CASK: variants seen among roughly 807,000 people sequenced by gnomAD.
CASK encodes calcium/calmodulin dependent serine protein kinase, also known as peripheral plasma membrane protein CASK.
CASK carries 4 observed loss-of-function variants against 82.9 expected under a neutral mutation model. The observed-to-expected ratio is 0.05, with a 90% CI of 0.02 to 0.11. The LOEUF (loss-of-function observed/expected upper bound fraction) is 0.11, where lower values mean the gene tolerates loss of function less well. CASK is among the 10% of genes least tolerant of loss of function. The probability of loss-of-function intolerance (pLI) is 1.00; values close to 1 mark genes in which losing one functional copy is unlikely to be tolerated. For missense variants in CASK, 358 were observed against 720.9 expected (o/e 0.50, Z 5.76); for synonymous variants, 259 against 253.5 (o/e 1.02, Z -0.20).
intron 3 of CASK, chrX:41,786,913 T>C: frequency 3.1e-6 from 1 of 322,962 alleles, no homozygotes; most frequent in Non-Finnish European, 5.5e-6. Context: ...TTTGGGGTCC[T>C]CCTATTCCTC....
chrX:41,634,660 C>G (rs1173879147), intron 9 of CASK, among the ~76,000 whole-genome samples: 1 of 112,390 alleles, frequency 8.9e-6, no homozygotes. Flanking sequence ...AGCGTAATGT[C>G]ACATGAGGCC....
In CASK at chrX:41,517,227, T is replaced by G. The variant is rs190590653; in HGVS notation, c.*3193A>C. On this transcript the variant is annotated 3_prime_UTR_variant, in exon 27 of 27. Coordinates refer to ENST00000378163, the MANE Select transcript of CASK (RefSeq NM_001367721.1). ...GCAGTGGGGGACTTTGCGACATCTTTAGATATTCTGCCACCAATAGGATGG... is the reference window on the plus strand; with the variant it reads ...GCAGTGGGGGACTTTGCGACATCTTGAGATATTCTGCCACCAATAGGATGG... 23 of 114,119 alleles carry G rather than the reference T, an allele frequency of 2.0e-4. No individual in the cohort carries two copies. Among genetic ancestry groups the G allele is most frequent in the Non-Finnish European group, 4.0e-4 (22 of 54,484 alleles). 9.4% of individuals were successfully genotyped at this position (114,119 alleles called of 1,213,427 possible).
In CASK at chrX:41,518,477, G is replaced by A. The variant is rs778814275; in HGVS notation, c.*1943C>T. On this transcript the variant is annotated 3_prime_UTR_variant, in exon 27 of 27. Transcript: ENST00000378163. ...TGGTGGCTTGGTCACCCCACTGTGG[G>A]GCCCATACAGAAGTAGTTCACTCAA... 1 of 109,263 alleles carries A rather than the reference G, an allele frequency of 9.2e-6. No individual in the cohort carries two copies. Among genetic ancestry groups the A allele is most frequent in the African/African-American group, 3.3e-5 (1 of 29,986 alleles). The allele number at this position is 109,263 out of a possible 1,213,427, so 9.0% of individuals were successfully genotyped here.
Position 41,586,996 on chromosome X carries a change from T to C in CASK, c.1234-9A>G. On this transcript the variant is annotated splice_polypyrimidine_tract_variant and intron_variant, in intron 13 of 26. Transcript: ENST00000378163. ...GAAATTTCTTCCAATACCTAAAAAA[T>C]AAACAAGATATACAATAATACAAAC... is the stretch of plus-strand genomic sequence containing the variant. 1 of 986,463 alleles carries C rather than the reference T, an allele frequency of 1.0e-6. No individual in the cohort carries two copies. The highest frequency in any genetic ancestry group is 1.4e-6 in the Non-Finnish European group (1 of 693,710). The allele number at this position is 986,463 out of a possible 1,213,427, so 81.3% of individuals were successfully genotyped here.
In CASK at chrX:41,547,067, A is replaced by T. The variant is rs367875937; in HGVS notation, c.2040-4261T>A. On this transcript the variant is annotated intron_variant, in intron 21 of 26. Coordinates refer to ENST00000378163, the MANE Select transcript of CASK (RefSeq NM_001367721.1). The stretch of plus-strand genomic sequence containing the variant: ...TGTCTTGGCCTTCCAAGTAGCTGTG[A>T]TTACAGGCACCCGCCACCACGCTCA... Among the ~76,000 whole-genome samples, 9 of 110,078 alleles carry T rather than the reference A, an allele frequency of 8.2e-5. No homozygotes were observed. In the East Asian group the frequency reaches 2.6e-3, roughly 32 times the overall value.
chrX:41,850,589 T>C (rs1337952240), intron 2 of CASK, among the ~76,000 whole-genome samples: 2 of 112,310 alleles, frequency 1.8e-5, no homozygotes, highest in Non-Finnish European at 3.8e-5. Context: ...ACGGTAAATA[T>C]AGATATTTCT....
chrX:41,545,502 A>G (rs745337890), intron 21 of CASK, among the ~76,000 whole-genome samples: 11 of 111,993 alleles, frequency 9.8e-5, no homozygotes, highest in African/African-American at 3.6e-4. Context: ...CAGGTTCTCT[A>G]TTCCTTTCTG....
intron 5 of CASK, among the ~76,000 whole-genome samples, chrX:41,736,803 T>C (rs558998519): frequency 1.8e-5 from 2 of 111,984 alleles, no homozygotes; most frequent in Admixed American, 9.5e-5. Context: ...AAATGTCTTT[T>C]TGTCTCCATA....
chrX:41,861,961 GTATA>G (rs750794159), intron 1 of CASK, among the ~76,000 whole-genome samples: 10 of 102,040 alleles, frequency 9.8e-5, no homozygotes, highest in African/African-American at 3.6e-4. Flanking sequence ...GTATACATAT[GTATA>G]TATACATTAT....
rs1019474495 is a variant in CASK, at chrX:41,706,824, T to C, written c.429+32560A>G. ...GTGCCACTGTACCCAGCTGGATTCA[T>C]GGCACACTGAATATACCTTTTAATA... On this transcript the variant is annotated intron_variant, in intron 5 of 26. Transcript: ENST00000378163. Among the ~76,000 whole-genome samples the C allele has an allele frequency of 3.6e-5, 4 of 111,615 alleles. No individual in the cohort carries two copies. In the South Asian group the frequency reaches 1.5e-3, roughly 42 times the overall value.
chrX:41,895,227 T>C (rs2072251833), intron 1 of CASK, among the ~76,000 whole-genome samples: 1 of 111,911 alleles, frequency 8.9e-6, no homozygotes, highest in Non-Finnish European at 1.9e-5. Flanking sequence ...ATTCTTTTCC[T>C]TCACGAGACG....
At chrX:41,806,319 G>A (rs1405724005) in intron 2 of CASK, among the ~76,000 whole-genome samples, 3 of 111,862 alleles carry the variant, frequency 2.7e-5, no homozygotes, top group East Asian at 5.6e-4. Flanking sequence ...ATGTTGGGAC[G>A]TGTTCCTAGA....
intron 5 of CASK, among the ~76,000 whole-genome samples, chrX:41,688,744 G>A (rs766410425): frequency 2.7e-5 from 3 of 110,550 alleles, no homozygotes; most frequent in Non-Finnish European, 5.7e-5. Flanking sequence ...TTTGAGCGGG[G>A]GGAGGAAAAC....
At chrX:41,544,900 A>G (rs888462063) in intron 21 of CASK, among the ~76,000 whole-genome samples, 2 of 111,426 alleles carry the variant, frequency 1.8e-5, no homozygotes, top group African/African-American at 3.3e-5. Context: ...CTGACTTTAG[A>G]GAAATAAAAA....
intron 1 of CASK, among the ~76,000 whole-genome samples, chrX:41,853,743 T>A (rs1271724756): frequency 8.9e-6 from 1 of 111,765 alleles, no homozygotes; most frequent in Non-Finnish European, 1.9e-5. Context: ...CATCCTACCA[T>A]CTTCTACTAG....
intron 9 of CASK, among the ~76,000 whole-genome samples, chrX:41,629,771 A>AC (rs1024663500): frequency 1.8e-5 from 2 of 111,554 alleles, no homozygotes; most frequent in African/African-American, 6.5e-5. Context: ...GTTGGATTTG[A>AC]CCCCCAGGTC....
intron 15 of CASK, among the ~76,000 whole-genome samples, chrX:41,576,608 G>A (rs1355517967): frequency 8.9e-6 from 1 of 112,124 alleles, no homozygotes; most frequent in Non-Finnish European, 1.9e-5. Flanking sequence ...TAATAAGAGT[G>A]ATTTGCACTT....
intron 12 of CASK, among the ~76,000 whole-genome samples, chrX:41,599,355 T>A (rs2065864519): frequency 8.9e-6 from 1 of 111,791 alleles, no homozygotes; most frequent in Admixed American, 9.5e-5. Context: ...GCAGCTGGCC[T>A]AGTAATACGC....
intron 2 of CASK, among the ~76,000 whole-genome samples, chrX:41,797,426 C>T (rs1038271305): frequency 9.0e-6 from 1 of 110,663 alleles, no homozygotes; most frequent in African/African-American, 3.3e-5. Flanking sequence ...ATCTAGCAAC[C>T]GCCTCCATAG....
Sources: allele counts gnomAD v4.1 joint callset (sites outside exome capture counted in the v4.1 genomes callset), GRCh38; gene constraint gnomAD v4.1.1; transcripts MANE v1.5; gene names NCBI Gene and HGNC (gene_info 2026-07-23, HGNC 2026-07-21).